Variants in NOLC1 observed in about 807,000 individuals in gnomAD.
The protein encoded by NOLC1 is nucleolar and coiled-body phosphoprotein 1.
In NOLC1, 37 loss-of-function variants were observed where a neutral mutation model predicts 73.4. The ratio of observed to expected loss-of-function variants is 0.50; its 90% CI spans 0.39 to 0.66. The LOEUF is 0.66. NOLC1 is among the 30% of genes least tolerant of loss of function. The pLI is 0.00. For synonymous variants in NOLC1, 327 were observed against 302.6 expected, an observed-to-expected ratio of 1.08 and a Z score of -0.84; for missense variants, 921 against 838.9, an observed-to-expected ratio of 1.10 and a Z score of -1.21.
In NOLC1 at chr10:102,162,471, AG is replaced by A. The variant is rs1385184858; in HGVS notation, c.*203del. 2.4e-5 allele frequency: 10 copies of A among 421,704 alleles called. No homozygotes were observed. The East Asian group carries it at 2.8e-4, about 12-fold the overall frequency. 26.1% of individuals were successfully genotyped at this position (421,704 alleles called of 1,614,324 possible). The stretch of plus-strand genomic sequence containing the variant: ...TGTACAGACTTGTTTTTGAGTGTTG[AG>A]TAGCAGGGACAAAATAAGGGAATGT... On this transcript the variant is annotated 3_prime_UTR_variant, in exon 13 of 13. Transcript: ENST00000605788.
In NOLC1 at chr10:102,162,161, C is replaced by A; in HGVS notation, c.1992C>A (p.Phe664Leu). 1 of 1,614,110 alleles carries A rather than the reference C, an allele frequency of 6.2e-7. No homozygotes were observed. The highest frequency in any genetic ancestry group is 8.5e-7 in the Non-Finnish European group (1 of 1,180,028). ...AGCGAGCCAATCAGGTTTTGAAGTT[C>A]ACCAAAGGCAAGTCCTTTCGGCATG... ...WGERANQVLK[F>L]TKGKSFRHEK... Residue 664 changes from phenylalanine to leucine, a missense_variant, in exon 13 of 13, where the codon TTC (phenylalanine) becomes TTA (leucine). Physicochemically the swap from Phe to Leu is conservative, Grantham distance 22. Transcript: ENST00000605788.
chr10:102,159,160 C>A, intron 5 of NOLC1, 33 bp from the exon 6 acceptor site: 2 of 1,553,276 alleles, frequency 1.3e-6, no homozygotes, highest in African/African-American at 2.8e-5. Flanking sequence ...TGCCCTAATA[C>A]TCCTTACTCT....
Position 102,159,515 on chromosome 10 carries a change from A to G in NOLC1, c.806A>G (p.Asp269Gly). Residue 269 changes from aspartate to glycine, a missense_variant, in exon 7 of 13, where the codon GAT becomes GGT. Coordinates refer to ENST00000605788, the MANE Select transcript of NOLC1 (RefSeq NM_004741.5). ...TPTRKSSSSE[D>G]SSSDEEEEQK... ...ACCCGGAAGAGTTCTAGCAGTGAGGATTCCTCCAGTGACGAGGAAGAGGAG... is the reference window on the plus strand; with the variant it reads ...ACCCGGAAGAGTTCTAGCAGTGAGGGTTCCTCCAGTGACGAGGAAGAGGAG... 6.2e-7 allele frequency: 1 copy of G among 1,614,182 alleles called. No homozygotes were observed. The highest frequency in any genetic ancestry group is 2.2e-5 in the East Asian group (1 of 44,882).
chr10:102,159,575 G>A lies in NOLC1; in HGVS notation c.859+7G>A. 1 of 1,613,046 alleles carries A rather than the reference G, an allele frequency of 6.2e-7. No homozygotes were observed. Among genetic ancestry groups the A allele is most frequent in the Non-Finnish European group, 8.5e-7 (1 of 1,179,678 alleles). On this transcript the variant is annotated splice_region_variant and intron_variant, in intron 7 of 12. Transcript: ENST00000605788. The stretch of plus-strand genomic sequence containing the variant: ...CCCATGAAAAATAAACCAGGTGACT[G>A]GACATGGGGAGCGAAGCTGTGTGAC...
intron 1 of NOLC1, among the ~76,000 whole-genome samples, chr10:102,153,811 T>C (rs931649904): frequency 1.3e-5 from 2 of 151,786 alleles, no homozygotes; most frequent in Admixed American, 1.3e-4. Context: ...TAGCTGGGAT[T>C]ACAGGCGCGT....
Position 102,158,139 on chromosome 10 carries a change from G to A in NOLC1, c.532G>A (p.Glu178Lys). The change falls in exon 5 of 13, where the codon GAG becomes AAG. Residue 178 changes from glutamate (E) to lysine (K), a missense_variant. Glu to Lys is a moderately conservative substitution (Grantham distance 56). Transcript: ENST00000605788. ...DSDSDSSSED[E>K]PPKNQKPKIT... is the part of the protein sequence containing the mutation. ...TGATTCTGACTCAAGCTCCGAGGAT[G>A]AGCCACCAAAGAACCAGAAGCCAAA... 2.5e-6 allele frequency: 4 copies of A among 1,614,146 alleles called. No individual in the cohort carries two copies. Among genetic ancestry groups the A allele is most frequent in the Non-Finnish European group, 3.4e-6 (4 of 1,179,998 alleles).
intron 1 of NOLC1, 98 bp from the exon 2 acceptor site, chr10:102,156,917 CATTT>C (rs1343007657): frequency 9.0e-7 from 1 of 1,110,720 alleles, no homozygotes; most frequent in Non-Finnish European, 1.3e-6. Flanking sequence ...GAAGATGTAA[CATTT>C]ATACCAAATT....
At chr10:102,156,541 A>G (rs980090799) in intron 1 of NOLC1, among the ~76,000 whole-genome samples, 4 of 151,426 alleles carry the variant, frequency 2.6e-5, no homozygotes, top group African/African-American at 7.3e-5. Flanking sequence ...AGGTTCAAGC[A>G]ATTCTCCTGC....
rs1397128978 is a variant in NOLC1 at position 102,160,278 on chromosome 10, T to A, written c.1034T>A (p.Val345Asp). 6.2e-7 allele frequency: 1 copy of A among 1,614,082 alleles called. No individual in the cohort carries two copies. Among genetic ancestry groups the A allele is most frequent in the South Asian group, 1.1e-5 (1 of 91,074 alleles). ...EEKKPPTKAV[V>D]SKATTKPPPA... ...AAGAAACCCCCAACTAAGGCAGTAG[T>A]CTCTAAAGCAACCACTAAACCACCT... The change falls in exon 9 of 13, where the codon GTC (valine) becomes GAC (aspartate). Residue 345 changes from valine to aspartate, a missense_variant. Coordinates refer to ENST00000605788, the MANE Select transcript of NOLC1 (RefSeq NM_004741.5).
chr10:102,162,345 A>T lies in NOLC1; in HGVS notation c.*76A>T. On this transcript the variant is annotated 3_prime_UTR_variant, in exon 13 of 13. Transcript: ENST00000605788. The stretch of plus-strand genomic sequence containing the variant: ...TTCTCCAGTGGACCTGGGAACCCTC[A>T]GGTCTCTAGGTGAGGGTCTTGATGA... 1 of 1,512,208 alleles carries T rather than the reference A, an allele frequency of 6.6e-7. No homozygotes were observed. The highest frequency in any genetic ancestry group is 1.2e-5 in the South Asian group (1 of 81,478). The allele number at this position is 1,512,208 out of a possible 1,614,324, so 93.7% of individuals were successfully genotyped here.
intron 5 of NOLC1, among the ~76,000 whole-genome samples, chr10:102,158,691 C>T (rs566805582): frequency 6.6e-6 from 1 of 152,244 alleles, no homozygotes; most frequent in South Asian, 2.1e-4. Flanking sequence ...TTTATGTCAT[C>T]TTTTCTAAGA....
At chr10:102,161,501 G>A in intron 10 of NOLC1, 55 bp from the exon 11 acceptor site, 1 of 1,340,200 alleles carries the variant, frequency 7.5e-7, no homozygotes, top group Non-Finnish European at 1.1e-6. Flanking sequence ...CAAAATGCTG[G>A]GGTTACAGTT....
Position 102,163,797 on chromosome 10 carries a change from A to G in NOLC1, c.*1528A>G, listed in dbSNP as rs898521720. On this transcript the variant is annotated 3_prime_UTR_variant, in exon 13 of 13. Transcript: ENST00000605788. The stretch of plus-strand genomic sequence containing the variant: ...AAGAAAATGTACTGTTCATGCTGAC[A>G]CAGATATTTCAGTCTGCATGGTAAA... The G allele has an allele frequency of 6.6e-6, 1 of 152,222 alleles. No individual in the cohort carries two copies. Among genetic ancestry groups the G allele is most frequent in the Non-Finnish European group, 1.5e-5 (1 of 68,036 alleles). 9.4% of individuals were successfully genotyped at this position (152,222 alleles called of 1,614,324 possible). A position where few individuals can be genotyped will look rare whatever the true frequency, so the allele number is the denominator to read the frequency against.
chr10:102,160,912 T>C lies in NOLC1; in HGVS notation c.1560T>C (p.Ser520=). The change falls in exon 10 of 13, where the codon TCT becomes TCC. Residue 520 remains serine, a synonymous_variant. Coordinates refer to ENST00000605788, the MANE Select transcript of NOLC1 (RefSeq NM_004741.5). ...GAAAGGCTGAGAGCAGCAACAGTTCTTCTTCTGATGACTCCAGTGAGGAAG... is the reference window on the plus strand; with the variant it reads ...GAAAGGCTGAGAGCAGCAACAGTTCCTCTTCTGATGACTCCAGTGAGGAAG... ...KKGKAESSNS[S]SSDDSSEEEE... 6.2e-7 allele frequency: 1 copy of C among 1,614,074 alleles called. No homozygotes were observed. Among genetic ancestry groups the C allele is most frequent in the Middle Eastern group, 1.6e-4 (1 of 6,062 alleles).
intron 1 of NOLC1, among the ~76,000 whole-genome samples, chr10:102,156,784 CA>C (rs2069602802): frequency 6.6e-6 from 1 of 151,980 alleles, no homozygotes. Context: ...GATTGGCAGG[CA>C]GGGGGTTAGA....
intron 1 of NOLC1, 132 bp downstream of exon 1, chr10:102,152,662 C>T: frequency 1.6e-6 from 2 of 1,287,668 alleles, no homozygotes; most frequent in Admixed American, 2.3e-5. Context: ...TTACGCCGAC[C>T]CCTCGGCAGT....
intron 6 of NOLC1, 46 bp downstream of exon 6, chr10:102,159,354 T>G: frequency 1.2e-6 from 2 of 1,613,422 alleles, no homozygotes; most frequent in Non-Finnish European, 1.7e-6. Flanking sequence ...CAGGGTGTGA[T>G]GTGTGTGTGT....
Position 102,163,055 on chromosome 10 carries a change from G to C in NOLC1, c.*786G>C, listed in dbSNP as rs2069739855. 6.6e-6 allele frequency: 1 copy of C among 152,058 alleles called. No individual in the cohort carries two copies. Among genetic ancestry groups the C allele is most frequent in the African/African-American group, 2.4e-5 (1 of 41,392 alleles). The allele number at this position is 152,058 out of a possible 1,614,324, so 9.4% of individuals were successfully genotyped here. A position where few individuals can be genotyped will look rare whatever the true frequency, so the allele number is the denominator to read the frequency against. ...TTTCTACTGTTGAAAGACATTTTTT[G>C]ACAACTTGACCCTTCCTAGTATTGA... On this transcript the variant is annotated 3_prime_UTR_variant, in exon 13 of 13. Transcript: ENST00000605788.
Position 102,162,342 on chromosome 10 carries a change from C to A in NOLC1, c.*73C>A. On this transcript the variant is annotated 3_prime_UTR_variant, in exon 13 of 13. Coordinates refer to ENST00000605788, the MANE Select transcript of NOLC1 (RefSeq NM_004741.5). The stretch of plus-strand genomic sequence containing the variant: ...ACTTTCTCCAGTGGACCTGGGAACC[C>A]TCAGGTCTCTAGGTGAGGGTCTTGA... 1 of 1,539,480 alleles carries A rather than the reference C, an allele frequency of 6.5e-7. No individual in the cohort carries two copies.
Sources: gnomAD v4.1 joint callset for allele counts (sites outside exome capture counted in the v4.1 genomes callset) on GRCh38, gnomAD v4.1.1 for gene constraint, MANE v1.5 for transcripts, NCBI Gene and HGNC (gene_info 2026-07-23, HGNC 2026-07-21) for gene names.